The following CCSER2 variants were observed in gnomAD, a reference collection of about 807,000 sequenced individuals.
CCSER2 encodes the protein coiled-coil serine rich protein 2.
CCSER2 carries 46 observed loss-of-function variants against 92.3 expected under a neutral mutation model. The observed-to-expected ratio is 0.50, with a 90% CI of 0.39 to 0.64. The LOEUF is 0.64. Among genes scored for constraint, CCSER2 ranks in the 30% least tolerant of loss-of-function variants. The pLI, the probability that CCSER2 is intolerant of heterozygous loss-of-function variation, is 0.00. For synonymous variants in CCSER2, 433 were observed against 431.4 expected, an observed-to-expected ratio of 1.00 and a Z score of -0.04; for missense variants, 1,244 against 1,238.9, an observed-to-expected ratio of 1.00 and a Z score of -0.06.
chr10:84,480,135 C>T (rs1847374462), intron 9 of CCSER2, among the ~76,000 whole-genome samples: 1 of 152,154 alleles, frequency 6.6e-6, no homozygotes. Flanking sequence ...GCCTTGACCT[C>T]CTGGGCTCAA....
intron 9 of CCSER2, among the ~76,000 whole-genome samples, chr10:84,481,473 A>G (rs1434934844): frequency 6.6e-6 from 1 of 152,010 alleles, no homozygotes; most frequent in Non-Finnish European, 1.5e-5. Context: ...CTTTCATGCT[A>G]CAGGTGCTTT....
intron 9 of CCSER2, among the ~76,000 whole-genome samples, chr10:84,481,887 C>T (rs1847479262): frequency 1.3e-5 from 2 of 152,128 alleles, no homozygotes; most frequent in African/African-American, 4.8e-5. Context: ...TCCTATACAA[C>T]TTTCTGTGCT....
chr10:84,488,446 A>G (rs574999285), intron 9 of CCSER2, among the ~76,000 whole-genome samples: 1 of 152,288 alleles, frequency 6.6e-6, no homozygotes, highest in Non-Finnish European at 1.5e-5. Context: ...CAGGGATTCA[A>G]GTTCTTCCTG....
intron 9 of CCSER2, among the ~76,000 whole-genome samples, chr10:84,489,631 G>A (rs534194010): frequency 6.6e-6 from 1 of 152,246 alleles, no homozygotes; most frequent in East Asian, 1.9e-4. Context: ...GCCCATGTGT[G>A]TCTCTGCACA....
At position 84,518,465 on chromosome 10, in the gene CCSER2, C is replaced by A. The variant is rs773263788; in HGVS notation, c.*4198C>A. On this transcript the variant is annotated 3_prime_UTR_variant, in exon 10 of 10. Transcript: ENST00000372088. ...GAATTCTAAAAAGCAGATGTAAAGT[C>A]TCTCCTGAAAATGTTGGCATAGTAA... The A allele has an allele frequency of 1.3e-5, 2 of 152,576 alleles. No individual in the cohort carries two copies. Among genetic ancestry groups the A allele is most frequent in the Non-Finnish European group, 2.9e-5 (2 of 68,020 alleles). 9.5% of individuals were successfully genotyped at this position (152,576 alleles called of 1,614,324 possible). A position where few individuals can be genotyped will look rare whatever the true frequency, so the allele number is the denominator to read the frequency against.
intron 3 of CCSER2, among the ~76,000 whole-genome samples, chr10:84,379,199 A>T (rs767674707): frequency 6.6e-6 from 1 of 152,112 alleles, no homozygotes; most frequent in Non-Finnish European, 1.5e-5. Context: ...TTGGTTTTTG[A>T]AAATTTGTCC....
chr10:84,365,771 A>G (rs1377049717), intron 1 of CCSER2, among the ~76,000 whole-genome samples: 1 of 152,148 alleles, frequency 6.6e-6, no homozygotes, highest in African/African-American at 2.4e-5. Context: ...AAAGAATATA[A>G]TTTTCTTTCC....
chr10:84,447,501 ACTGT>A (rs1395250734), intron 6 of CCSER2, among the ~76,000 whole-genome samples: 1 of 152,096 alleles, frequency 6.6e-6, no homozygotes, highest in Admixed American at 6.5e-5. Context: ...GTGTTTTTTC[ACTGT>A]CTGATATCCT....
intron 3 of CCSER2, among the ~76,000 whole-genome samples, chr10:84,396,030 G>A (rs35501257): frequency 0.058 from 8,858 of 151,992 alleles, 368 homozygotes; most frequent in Admixed American, 0.1. Context: ...ATCCATTTCC[G>A]TATATATTAA....
chr10:84,455,630 G>T, intron 6 of CCSER2: 2 of 623,920 alleles, frequency 3.2e-6, no homozygotes, highest in South Asian at 3.2e-5. Context: ...GACCTTTTTT[G>T]AACTGCCTTC....
intron 6 of CCSER2, among the ~76,000 whole-genome samples, chr10:84,458,376 C>CT (rs1263413522): frequency 6.6e-6 from 1 of 152,110 alleles, no homozygotes; most frequent in Admixed American, 6.6e-5. Flanking sequence ...TTTCTGGACT[C>CT]TTTTCTTTCC....
At chr10:84,490,341 A>G (rs996748750) in intron 9 of CCSER2, among the ~76,000 whole-genome samples, 9 of 152,172 alleles carry the variant, frequency 5.9e-5, no homozygotes, top group Admixed American at 2.6e-4. Flanking sequence ...GTGTTTTCCA[A>G]CTTGGTTCCA....
intron 9 of CCSER2, among the ~76,000 whole-genome samples, chr10:84,483,049 G>C (rs558015412): frequency 6.6e-6 from 1 of 152,152 alleles, no homozygotes; most frequent in East Asian, 1.9e-4. Flanking sequence ...ATATATAAAA[G>C]ATATGCATAT....
intron 9 of CCSER2, among the ~76,000 whole-genome samples, chr10:84,497,277 G>C (rs138147504): frequency 6.6e-6 from 1 of 152,244 alleles, no homozygotes; most frequent in African/African-American, 2.4e-5. Context: ...TGACAGATGG[G>C]TAGAGAAGTG....
intron 1 of CCSER2, among the ~76,000 whole-genome samples, chr10:84,329,112 G>C (rs1843416984): frequency 6.6e-6 from 1 of 152,132 alleles, no homozygotes; most frequent in Admixed American, 6.5e-5. Context: ...GAGGCACTCT[G>C]ATTTCGGAGC....
At chr10:84,339,734 CA>C (rs1844067409) in intron 1 of CCSER2, among the ~76,000 whole-genome samples, 1 of 152,154 alleles carries the variant, frequency 6.6e-6, no homozygotes, top group African/African-American at 2.4e-5. Context: ...CTTGGCCTCC[CA>C]AAGTGCTGGG....
At chr10:84,350,160 A>G (rs950416399) in intron 1 of CCSER2, among the ~76,000 whole-genome samples, 2 of 152,192 alleles carry the variant, frequency 1.3e-5, no homozygotes, top group Non-Finnish European at 2.9e-5. Context: ...CCAAAAAGTA[A>G]TAATAATAAC....
chr10:84,350,715 C>A lies in CCSER2; in HGVS notation c.-39-20299C>A, dbSNP rs574551008. Among the ~76,000 whole-genome samples, 163 of 152,232 alleles carry A rather than the reference C, an allele frequency of 1.1e-3. 1 individual carries two copies. The highest frequency in any genetic ancestry group is 3.5e-3 in the African/African-American group (146 of 41,530). ...TTTTAGTTTTTGGGCTGAAAACTGC[C>A]CTTTTCTTATTTCTATTCATTGATC... On this transcript the variant is annotated intron_variant, in intron 1 of 9. Transcript: ENST00000372088.
intron 3 of CCSER2, among the ~76,000 whole-genome samples, chr10:84,395,239 AAAAG>A (rs1262061988): frequency 1.3e-5 from 2 of 151,848 alleles, no homozygotes; most frequent in East Asian, 3.9e-4. Context: ...AAAAAAAAAA[AAAAG>A]AACAGAGTGT....
Sources: allele counts gnomAD v4.1 joint callset (sites outside exome capture counted in the v4.1 genomes callset), GRCh38; gene constraint gnomAD v4.1.1; transcripts MANE v1.5; gene names NCBI Gene and HGNC (gene_info 2026-07-23, HGNC 2026-07-21).